Variants in SLC12A6 observed in about 807,000 individuals in gnomAD.
The protein encoded by SLC12A6 is solute carrier family 12 member 6, also known as K-Cl cotransporter 3.
Under a neutral mutation model 135.3 loss-of-function variants are expected in SLC12A6, and 66 were observed. That is an observed-to-expected ratio of 0.49 (90% CI 0.40 to 0.60). SLC12A6 has a LOEUF of 0.60. SLC12A6 is among the 20% of genes least tolerant of loss of function. The probability of loss-of-function intolerance (pLI) is 0.00; values close to 1 mark genes in which losing one functional copy is unlikely to be tolerated. For synonymous variants in SLC12A6, 513 were observed against 508.8 expected, an observed-to-expected ratio of 1.01 and a Z score of -0.11; for missense variants, 1,058 against 1,452.3, an observed-to-expected ratio of 0.73 and a Z score of 4.41.
At chr15:34,293,455 T>G (rs1895677951) in intron 2 of SLC12A6, among the ~76,000 whole-genome samples, 1 of 152,136 alleles carries the variant, frequency 6.6e-6, no homozygotes, top group Non-Finnish European at 1.5e-5. Context: ...AGGTGCCCAC[T>G]GCCACATCCA....
At chr15:34,273,485 T>G (rs1894099424) in intron 3 of SLC12A6, among the ~76,000 whole-genome samples, 1 of 152,196 alleles carries the variant, frequency 6.6e-6, no homozygotes, top group Admixed American at 6.5e-5. Flanking sequence ...TCAGGTACTG[T>G]TTCAGCATAT....
intron 2 of SLC12A6, among the ~76,000 whole-genome samples, chr15:34,323,003 A>AAG (rs1889215087): frequency 4.2e-5 from 6 of 142,994 alleles, no homozygotes; most frequent in African/African-American, 1.6e-4. Context: ...AAAAAAAAAA[A>AAG]GGAAAGAAAG....
chr15:34,317,395 G>C (rs1210303274), intron 2 of SLC12A6, among the ~76,000 whole-genome samples: 1 of 152,150 alleles, frequency 6.6e-6, no homozygotes, highest in Non-Finnish European at 1.5e-5. Flanking sequence ...GAGAATCACA[G>C]AATCACGGAA....
chr15:34,308,630 C>CAAAAA (rs536506096), intron 2 of SLC12A6, among the ~76,000 whole-genome samples: 983 of 61,306 alleles, frequency 0.016, 5 homozygotes, highest in East Asian at 0.019. Context: ...GTCCACCTGA[C>CAAAAA]AAAAAAAAAA....
chr15:34,242,771 C>G (rs1414126609), intron 16 of SLC12A6, among the ~76,000 whole-genome samples: 1 of 152,122 alleles, frequency 6.6e-6, no homozygotes, highest in Non-Finnish European at 1.5e-5. Flanking sequence ...TGGCTCACAG[C>G]TGTAATCCCA....
intron 13 of SLC12A6, among the ~76,000 whole-genome samples, chr15:34,247,299 C>T (rs971888227): frequency 2.6e-5 from 4 of 152,094 alleles, no homozygotes; most frequent in African/African-American, 4.8e-5. Flanking sequence ...GGGTGGATCA[C>T]GAGGTCAGGA....
At chr15:34,296,612 A>G (rs944917002) in intron 2 of SLC12A6, among the ~76,000 whole-genome samples, 8 of 152,234 alleles carry the variant, frequency 5.3e-5, no homozygotes, top group Admixed American at 3.9e-4. Flanking sequence ...AAATAATTAC[A>G]AATAGTCAGA....
At chr15:34,273,558 C>T (rs10152407) in intron 3 of SLC12A6, among the ~76,000 whole-genome samples, 5,979 of 152,228 alleles carry the variant, frequency 0.039, 221 homozygotes, top group African/African-American at 0.099. Flanking sequence ...CAAGGACTAT[C>T]CTAAGTCTTT....
chr15:34,326,377 T>C (rs912114344), intron 2 of SLC12A6, among the ~76,000 whole-genome samples: 3 of 152,214 alleles, frequency 2.0e-5, no homozygotes, highest in African/African-American at 4.8e-5. Context: ...AAAAAGTGTA[T>C]AGAAAATAAA....
intron 2 of SLC12A6, among the ~76,000 whole-genome samples, chr15:34,295,003 G>A (rs973411756): frequency 1.3e-4 from 20 of 152,066 alleles, no homozygotes; most frequent in African/African-American, 4.1e-4. Context: ...ATAATTTTGG[G>A]ACCAATAAAA....
At chr15:34,322,581 A>G (rs977223807) in intron 2 of SLC12A6, among the ~76,000 whole-genome samples, 2 of 152,184 alleles carry the variant, frequency 1.3e-5, no homozygotes, top group African/African-American at 4.8e-5. Flanking sequence ...AGATGGACAC[A>G]TATGTAAAAA....
At position 34,337,659 on chromosome 15, in the gene SLC12A6, G is replaced by C. The variant is rs1002913322; in HGVS notation, c.-400C>G. 23 of 152,484 alleles carry C rather than the reference G, an allele frequency of 1.5e-4. No homozygotes were observed. The highest frequency in any genetic ancestry group is 5.3e-4 in the African/African-American group (22 of 41,572). The allele number at this position is 152,484 out of a possible 1,614,324, so 9.4% of individuals were successfully genotyped here. On this transcript the variant is annotated 5_prime_UTR_variant, in exon 1 of 26. Coordinates refer to ENST00000354181, the MANE Select transcript of SLC12A6 (RefSeq NM_001365088.1). Reference sequence around the variant, plus strand: ...CTTCCTCAGGGTCCCAGTAGAGGAGGAGACGGCCACGCAGGCTGGCCTGAC... The same window carrying C: ...CTTCCTCAGGGTCCCAGTAGAGGAGCAGACGGCCACGCAGGCTGGCCTGAC...
At chr15:34,332,614 T>C (rs1233282894) in intron 2 of SLC12A6, among the ~76,000 whole-genome samples, 25 of 151,950 alleles carry the variant, frequency 1.6e-4, no homozygotes, top group Admixed American at 1.6e-3. Flanking sequence ...TGAAACCCCA[T>C]CTCTCCTAAA....
intron 2 of SLC12A6, among the ~76,000 whole-genome samples, chr15:34,296,672 G>A (rs75818673): frequency 0.027 from 4,167 of 152,226 alleles, 203 homozygotes; most frequent in African/African-American, 0.095. Flanking sequence ...TGGCCATATC[G>A]ATGCGTTGCT....
At chr15:34,332,642 G>A (rs1043909738) in intron 2 of SLC12A6, among the ~76,000 whole-genome samples, 1 of 152,120 alleles carries the variant, frequency 6.6e-6, no homozygotes, top group African/African-American at 2.4e-5. Flanking sequence ...ATTTAGCCGG[G>A]TGTGGTTGCA....
intron 17 of SLC12A6, among the ~76,000 whole-genome samples, chr15:34,241,767 G>T (rs1044185140): frequency 1.3e-5 from 2 of 152,186 alleles, no homozygotes; most frequent in Admixed American, 6.5e-5. Context: ...TTACTAAGTT[G>T]TTCAGAACTA....
chr15:34,286,240 AT>A (rs543479520), intron 2 of SLC12A6, among the ~76,000 whole-genome samples: 42 of 151,002 alleles, frequency 2.8e-4, no homozygotes, highest in African/African-American at 9.7e-4. Flanking sequence ...TGCTCAACTA[AT>A]TTTTTTGTAT....
chr15:34,247,928 C>T (rs184409459), intron 13 of SLC12A6, among the ~76,000 whole-genome samples: 2 of 152,304 alleles, frequency 1.3e-5, no homozygotes, highest in Non-Finnish European at 2.9e-5. Flanking sequence ...GGTCTGGGAA[C>T]TCCTGACCTC....
intron 24 of SLC12A6, among the ~76,000 whole-genome samples, chr15:34,235,686 C>T (rs1891214824): frequency 6.6e-6 from 1 of 152,158 alleles, no homozygotes; most frequent in African/African-American, 2.4e-5. Context: ...GATCCACCCG[C>T]CTCTGCCTCC....
Sources: allele counts gnomAD v4.1 joint callset (sites outside exome capture counted in the v4.1 genomes callset), GRCh38; gene constraint gnomAD v4.1.1; transcripts MANE v1.5; gene names NCBI Gene and HGNC (gene_info 2026-07-23, HGNC 2026-07-21).